TMEM200A: variants seen among roughly 807,000 people sequenced by gnomAD.
TMEM200A encodes the protein transmembrane protein 200A.
In TMEM200A, 12 loss-of-function variants were observed where a neutral mutation model predicts 24.3. That is an observed-to-expected ratio of 0.49 (90% CI 0.32 to 0.80). TMEM200A has a LOEUF of 0.80. Among genes scored for constraint, TMEM200A ranks in the 30% least tolerant of loss-of-function variants. TMEM200A has a pLI of 0.04. For missense variants in TMEM200A, 545 were observed against 614.4 expected (o/e 0.89, Z 1.19); for synonymous variants, 224 against 224.4 (o/e 1.00, Z 0.02).
intron 1 of TMEM200A, among the ~76,000 whole-genome samples, chr6:130,381,487 T>G (rs1474743944): frequency 6.6e-6 from 1 of 152,204 alleles, no homozygotes; most frequent in Non-Finnish European, 1.5e-5. Flanking sequence ...TTTGTGGAAG[T>G]TGACTTCCCC....
At position 130,426,471 on chromosome 6, in the gene TMEM200A, C is replaced by CT. The variant is rs1554284275; in HGVS notation, c.-16-13935dup. On this transcript the variant is annotated intron_variant, in intron 2 of 2. Coordinates refer to ENST00000296978, the MANE Select transcript of TMEM200A (RefSeq NM_001258277.2). ...GAATCCTTTCTGCAGCCCCCCCCCC[C>CT]TCAGTTTCCCTTCATCACAAGGCTG... 4.7e-5 allele frequency among the ~76,000 whole-genome samples: 7 copies of CT among 149,428 alleles called. No homozygotes were observed. In the South Asian group the frequency reaches 1.3e-3, roughly 28 times the overall value.
At chr6:130,399,686 T>C (rs1779037502) in intron 2 of TMEM200A, among the ~76,000 whole-genome samples, 1 of 151,522 alleles carries the variant, frequency 6.6e-6, no homozygotes, top group Non-Finnish European at 1.5e-5. Flanking sequence ...ATTATTATTA[T>C]TATTTATTTT....
chr6:130,378,433 A>T (rs1778515050), intron 1 of TMEM200A, among the ~76,000 whole-genome samples: 1 of 152,080 alleles, frequency 6.6e-6, no homozygotes, highest in Non-Finnish European at 1.5e-5. Flanking sequence ...TGATATTGAT[A>T]AAGATCTTGG....
At chr6:130,390,780 T>C (rs1287335932) in intron 2 of TMEM200A, among the ~76,000 whole-genome samples, 2 of 152,214 alleles carry the variant, frequency 1.3e-5, no homozygotes, top group Admixed American at 1.3e-4. Flanking sequence ...TCAGCTTCCA[T>C]GTTGGTGAGG....
chr6:130,417,426 T>C (rs910290163), intron 2 of TMEM200A, among the ~76,000 whole-genome samples: 2 of 152,176 alleles, frequency 1.3e-5, no homozygotes, highest in Non-Finnish European at 2.9e-5. Flanking sequence ...TCTACCCAGG[T>C]TGAAGTTGAT....
intron 1 of TMEM200A, among the ~76,000 whole-genome samples, chr6:130,381,236 T>C (rs1371223975): frequency 2.0e-5 from 3 of 152,204 alleles, no homozygotes; most frequent in African/African-American, 7.2e-5. Context: ...GGGGAACTTA[T>C]CAGTGGTCCT....
At chr6:130,412,098 CTTT>C (rs11154577) in intron 2 of TMEM200A, among the ~76,000 whole-genome samples, 1 of 131,678 alleles carries the variant, frequency 7.6e-6, no homozygotes. Flanking sequence ...GTTTCCTTGG[CTTT>C]TTTTTTTTTT....
At chr6:130,386,751 T>C (rs1051950659) in intron 2 of TMEM200A, among the ~76,000 whole-genome samples, 3 of 152,202 alleles carry the variant, frequency 2.0e-5, no homozygotes, top group African/African-American at 7.2e-5. Context: ...TGTAAGAATG[T>C]CGTTTCGACA....
At chr6:130,396,365 T>G (rs1399494262) in intron 2 of TMEM200A, among the ~76,000 whole-genome samples, 1 of 79,576 alleles carries the variant, frequency 1.3e-5, no homozygotes, top group East Asian at 2.6e-4. Flanking sequence ...GACCAGTCTG[T>G]TTTTTTTTTT....
Position 130,419,528 on chromosome 6 carries a change from T to C in TMEM200A, c.-16-20879T>C, listed in dbSNP as rs138868551. Among the ~76,000 whole-genome samples the C allele has an allele frequency of 2.6e-3, 392 of 152,326 alleles. 3 individuals carry two copies. The highest frequency in any genetic ancestry group is 8.8e-3 in the African/African-American group (366 of 41,578). On this transcript the variant is annotated intron_variant, in intron 2 of 2. Coordinates refer to ENST00000296978, the MANE Select transcript of TMEM200A (RefSeq NM_001258277.2). ...CGCATAGTGGATGTACTAATTTACA[T>C]TCTTACTGACAGTGTATAGGACTTC...
chr6:130,388,428 A>G (rs1778761211), intron 2 of TMEM200A, among the ~76,000 whole-genome samples: 8 of 152,234 alleles, frequency 5.3e-5, no homozygotes, highest in Admixed American at 4.6e-4. Context: ...TGCCCTCAAT[A>G]AGGAACATGA....
intron 2 of TMEM200A, among the ~76,000 whole-genome samples, chr6:130,410,137 A>G (rs1312682106): frequency 6.6e-6 from 1 of 152,190 alleles, no homozygotes; most frequent in Non-Finnish European, 1.5e-5. Flanking sequence ...TCTCCTAGGT[A>G]GACTTTTGGG....
In TMEM200A at chr6:130,441,328, G is replaced by A; in HGVS notation, c.906G>A (p.Glu302=). ...VIKLNNCVID[E]PSIDNITEDA... ...AACTTAATAACTGTGTTATTGATGA[G>A]CCCAGTATAGATAACATCACTGAAG... is the stretch of plus-strand genomic sequence containing the variant. Residue 302 remains glutamate (E), a synonymous_variant, in exon 3 of 3, where the codon GAG becomes GAA. Transcript: ENST00000296978. The A allele has an allele frequency of 2.5e-6, 4 of 1,614,050 alleles. No individual in the cohort carries two copies. Among genetic ancestry groups the A allele is most frequent in the South Asian group, 1.1e-5 (1 of 91,090 alleles).
At chr6:130,427,465 TG>T (rs1480320134) in intron 2 of TMEM200A, among the ~76,000 whole-genome samples, 59 of 152,180 alleles carry the variant, frequency 3.9e-4, no homozygotes, top group Non-Finnish European at 1.3e-4. Context: ...GTTTCCAAGT[TG>T]TTGCCATTAC....
rs1047120633 is a variant in TMEM200A at position 130,442,454 on chromosome 6, G to T, written c.*556G>T. Reference sequence around the variant, plus strand: ...AGTTCATTGTGAATCTTGAGTTTTAGATAAGTAGTTATTTTTTTCAATATC... The same window carrying T: ...AGTTCATTGTGAATCTTGAGTTTTATATAAGTAGTTATTTTTTTCAATATC... On this transcript the variant is annotated 3_prime_UTR_variant, in exon 3 of 3. Coordinates refer to ENST00000296978, the MANE Select transcript of TMEM200A (RefSeq NM_001258277.2). 13 of 166,000 alleles carry T rather than the reference G, an allele frequency of 7.8e-5. No individual in the cohort carries two copies. The highest frequency in any genetic ancestry group is 3.1e-4 in the African/African-American group (13 of 41,444). The allele number at this position is 166,000 out of a possible 1,614,324, so 10.3% of individuals were successfully genotyped here. A position where few individuals can be genotyped will look rare whatever the true frequency, so the allele number is the denominator to read the frequency against.
At chr6:130,436,716 A>G (rs1245346741) in intron 2 of TMEM200A, among the ~76,000 whole-genome samples, 1 of 140,368 alleles carries the variant, frequency 7.1e-6, no homozygotes, top group Non-Finnish European at 1.5e-5. Flanking sequence ...GCATGATCAT[A>G]ACTCACTGCA....
At chr6:130,385,557 C>T (rs1778692181) in intron 2 of TMEM200A, among the ~76,000 whole-genome samples, 1 of 152,158 alleles carries the variant, frequency 6.6e-6, no homozygotes, top group Non-Finnish European at 1.5e-5. Context: ...CTCCTCATTC[C>T]TCTCATTCTT....
At chr6:130,370,109 C>G (rs1360919550) in intron 1 of TMEM200A, among the ~76,000 whole-genome samples, 2 of 152,200 alleles carry the variant, frequency 1.3e-5, no homozygotes, top group African/African-American at 4.8e-5. Context: ...TTCTCTCTCT[C>G]CCCATTTCTC....
intron 2 of TMEM200A, among the ~76,000 whole-genome samples, chr6:130,433,890 G>T (rs1779938534): frequency 6.6e-6 from 1 of 152,306 alleles, no homozygotes; most frequent in East Asian, 1.9e-4. Flanking sequence ...GGATGAATTA[G>T]AATCTATCTG....
Sources: gnomAD v4.1 joint callset for allele counts (sites outside exome capture counted in the v4.1 genomes callset) on GRCh38, gnomAD v4.1.1 for gene constraint, MANE v1.5 for transcripts, NCBI Gene and HGNC (gene_info 2026-07-23, HGNC 2026-07-21) for gene names.